TP73: variants seen among roughly 807,000 people sequenced by gnomAD.
TP73 encodes tumor protein p73, also known as p53-like transcription factor.
Under a neutral mutation model 62.5 loss-of-function variants are expected in TP73, and 25 were observed. The ratio of observed to expected loss-of-function variants is 0.40; its 90% CI spans 0.29 to 0.56. The LOEUF is 0.56. TP73 is among the 20% of genes least tolerant of loss of function. TP73 has a pLI of 0.46. For synonymous variants in TP73, 423 were observed against 377.5 expected (o/e 1.12, Z -1.40); for missense variants, 754 against 913.3 (o/e 0.83, Z 2.25).
intron 13 of TP73, 131 bp from the exon 14 acceptor site, chr1:3,732,616 C>T (rs1642218588): frequency 1.4e-5 from 11 of 795,878 alleles, no homozygotes; most frequent in Admixed American, 2.9e-5. Context: ...CCCCCTCCCC[C>T]GTCTCCTGCC....
At position 3,701,566 on chromosome 1, in the gene TP73, G is replaced by A. The variant is rs1317031187; in HGVS notation, c.187-5983G>A. Among the ~76,000 whole-genome samples the A allele has an allele frequency of 2.0e-5, 3 of 152,066 alleles. No homozygotes were observed. Among genetic ancestry groups the A allele is most frequent in the African/African-American group, 4.8e-5 (2 of 41,410 alleles). ...GTCACCCAGGCTGGAGTGCTGTGGC[G>A]TGATCTCAGCTCACTGCAACCTCTG... is the stretch of plus-strand genomic sequence containing the variant. On this transcript the variant is annotated intron_variant, in intron 3 of 13. Transcript: ENST00000378295. This position sits in a 1 kb window ranked among gnomAD's most constrained non-coding sequence, Gnocchi z 4.7.
At chr1:3,698,081 A>G (rs1340001183) in intron 3 of TP73, 1 of 985,538 alleles carries the variant, frequency 1.0e-6, no homozygotes, top group South Asian at 4.7e-5. Context: ...AGCCCTGCTA[A>G]GCATCTGTCA....
chr1:3,717,469 G>A (rs762230640), intron 4 of TP73, among the ~76,000 whole-genome samples: 43 of 152,378 alleles, frequency 2.8e-4, no homozygotes, highest in Admixed American at 4.6e-4. Context: ...GTCAACAGCC[G>A]AAGATAAATA....
In TP73 at chr1:3,733,113, C is replaced by T; in HGVS notation, c.*34C>T. On this transcript the variant is annotated 3_prime_UTR_variant, in exon 14 of 14. Coordinates refer to ENST00000378295, the MANE Select transcript of TP73 (RefSeq NM_005427.4). ...CCTGGCTGCAGCCTGCGCCACCGCC[C>T]AGAGACCCAAGCTGCCTCCCCTCTC... 6.7e-7 allele frequency: 1 copy of T among 1,500,450 alleles called. No homozygotes were observed. Among genetic ancestry groups the T allele is most frequent in the Non-Finnish European group, 8.9e-7 (1 of 1,124,846 alleles). The allele number at this position is 1,500,450 out of a possible 1,614,324, so 92.9% of individuals were successfully genotyped here.
At position 3,710,248 on chromosome 1, in the gene TP73, G is replaced by GCACC. The variant is rs538184091; in HGVS notation, c.429+2460_429+2463dup. On this transcript the variant is annotated intron_variant, in intron 4 of 13. Transcript: ENST00000378295. ...ACTGGGGAGGAAAATGCTGTCGCCTGCACCCAGGGCTCCTCCTCCGAAGCC... is the reference window on the plus strand; with the variant it reads ...ACTGGGGAGGAAAATGCTGTCGCCTGCACCCACCCAGGGCTCCTCCTCCGAAGCC... Among the ~76,000 whole-genome samples, 44 of 152,106 alleles carry GCACC rather than the reference G, an allele frequency of 2.9e-4. No individual in the cohort carries two copies. In the East Asian group the frequency reaches 8.2e-3, roughly 28 times the overall value.
intron 1 of TP73, among the ~76,000 whole-genome samples, chr1:3,654,320 G>C (rs551752409): frequency 5.8e-4 from 88 of 152,292 alleles, no homozygotes; most frequent in African/African-American, 1.6e-3. Flanking sequence ...AGAATGGCTC[G>C]GGATGTGAGC....
In TP73 at chr1:3,731,000, G is replaced by A; in HGVS notation, c.1419G>A (p.Gln473=). 1 of 1,612,500 alleles carries A rather than the reference G, an allele frequency of 6.2e-7. No individual in the cohort carries two copies. The highest frequency in any genetic ancestry group is 1.3e-5 in the African/African-American group (1 of 75,028). Residue 473 remains glutamine, a synonymous_variant, in exon 12 of 14, where the codon CAG becomes CAA. Transcript: ENST00000378295. ...NGEMSSSHSA[Q]SMVSGSHCTP... is the part of the protein sequence containing the mutation. ...AGATGAGCAGCAGCCACAGCGCCCA[G>A]TCCATGGTCTCGGGGTCCCACTGCA...
At chr1:3,706,734 G>A (rs1023015966) in intron 3 of TP73, among the ~76,000 whole-genome samples, 1 of 152,108 alleles carries the variant, frequency 6.6e-6, no homozygotes, top group African/African-American at 2.4e-5. Flanking sequence ...TCCTGGCAGA[G>A]GCTGATCCAT....
At chr1:3,713,166 G>C (rs946192139) in intron 4 of TP73, among the ~76,000 whole-genome samples, 2 of 152,252 alleles carry the variant, frequency 1.3e-5, no homozygotes, top group African/African-American at 4.8e-5. Flanking sequence ...TGGGGGTGGA[G>C]AGCTGTCCCT....
At position 3,688,274 on chromosome 1, in the gene TP73, C is replaced by T. The variant is rs180805244; in HGVS notation, c.186+5094C>T. On this transcript the variant is annotated intron_variant, in intron 3 of 13. Transcript: ENST00000378295. ...CTGCACAGAAGTGAACCCCACCCAGCACCCAGGTCTCAGAGCCTTGCAGCT... is the reference window on the plus strand; with the variant it reads ...CTGCACAGAAGTGAACCCCACCCAGTACCCAGGTCTCAGAGCCTTGCAGCT... Among the ~76,000 whole-genome samples the T allele has an allele frequency of 9.8e-4, 149 of 152,352 alleles. 1 individual carries two copies. The highest frequency in any genetic ancestry group is 3.3e-3 in the African/African-American group (138 of 41,596).
rs115529921 is a variant in TP73, at chr1:3,679,987, C to T, written c.-33-2346C>T. 9.1e-3 allele frequency among the ~76,000 whole-genome samples: 1,389 copies of T among 152,034 alleles called. 6 individuals are homozygous for T. Among genetic ancestry groups the T allele is most frequent in the Non-Finnish European group, 0.016 (1,057 of 67,952 alleles). On this transcript the variant is annotated intron_variant, in intron 1 of 13. Coordinates refer to ENST00000378295, the MANE Select transcript of TP73 (RefSeq NM_005427.4). ...TCTTTGTCCCTGTCTCTCTGTCTCTCTTCCTGTCTTTCTCTTTCTTTGTCC... is the reference window on the plus strand; with the variant it reads ...TCTTTGTCCCTGTCTCTCTGTCTCTTTTCCTGTCTTTCTCTTTCTTTGTCC...
chr1:3,726,844 G>C (rs1160613229), intron 6 of TP73, among the ~76,000 whole-genome samples: 1 of 146,170 alleles, frequency 6.8e-6, no homozygotes, highest in Non-Finnish European at 1.5e-5. Context: ...TGGGTGGGTG[G>C]ATGGATGGGG....
At chr1:3,678,639 A>T (rs533448370) in intron 1 of TP73, among the ~76,000 whole-genome samples, 3 of 151,756 alleles carry the variant, frequency 2.0e-5, no homozygotes, top group Admixed American at 1.3e-4. Context: ...CTAATGAGGA[A>T]CCCGATTCCC....
chr1:3,691,205 A>T (rs1347380614), intron 3 of TP73, among the ~76,000 whole-genome samples: 2 of 152,092 alleles, frequency 1.3e-5, no homozygotes, highest in Admixed American at 6.5e-5. Context: ...GGCCGGGTCC[A>T]TGCCGATGGG....
In TP73 at chr1:3,662,066, A is replaced by G. The variant is rs905437067; in HGVS notation, c.-34+9425A>G. Reference sequence around the variant, plus strand: ...AGAGTGAGACCCTGTCTCAAAAAAAAAAAGAACTAGTTCACACCCATGTTT... The same window carrying G: ...AGAGTGAGACCCTGTCTCAAAAAAAGAAAGAACTAGTTCACACCCATGTTT... On this transcript the variant is annotated intron_variant, in intron 1 of 13. Transcript: ENST00000378295. The surrounding 1 kb of genome is among the most constrained non-coding windows in gnomAD (Gnocchi z 4.4). 4.0e-5 allele frequency: 6 copies of G among 151,366 alleles called. No homozygotes were observed. Among genetic ancestry groups the G allele is most frequent in the African/African-American group, 1.5e-4 (6 of 41,214 alleles). 9.4% of individuals were successfully genotyped at this position (151,366 alleles called of 1,614,324 possible). A position where few individuals can be genotyped will look rare whatever the true frequency, so the allele number is the denominator to read the frequency against.
In TP73 at chr1:3,726,991, T is replaced by G. The variant is rs1007025309; in HGVS notation, c.733-124T>G. On this transcript the variant is annotated intron_variant, in intron 6 of 13. Transcript: ENST00000378295. ...GGACAGATATACAAATGGCAACAACTATAGAGCAGGGCATCCCCCTGCCTA... is the reference window on the plus strand; with the variant it reads ...GGACAGATATACAAATGGCAACAACGATAGAGCAGGGCATCCCCCTGCCTA... The G allele has an allele frequency of 4.2e-6, 3 of 712,324 alleles. No individual in the cohort carries two copies. In the African/African-American group the frequency reaches 5.4e-5, roughly 13 times the overall value. The allele number at this position is 712,324 out of a possible 1,614,324, so 44.1% of individuals were successfully genotyped here.
intron 4 of TP73, among the ~76,000 whole-genome samples, chr1:3,716,299 CTT>C (rs556360001): frequency 6.6e-6 from 1 of 152,232 alleles, no homozygotes; most frequent in Non-Finnish European, 1.5e-5. Context: ...GCCAGGAGCT[CTT>C]TCACAGCAGC....
rs1414851757 is a variant in TP73 at position 3,732,881 on chromosome 1, C to A, written c.1713C>A (p.Ile571=). The change falls in exon 14 of 14, where the codon ATC becomes ATA. Residue 571 remains isoleucine (I), a synonymous_variant. Transcript: ENST00000378295. ...CTAGCAACGCGGCCACCATCTCCAT[C>A]GGCGGCTCAGGGGAACTGCAGCGCC... ...LRSSNAATIS[I]GGSGELQRQR... is the part of the protein sequence containing the mutation. The A allele has an allele frequency of 1.2e-6, 2 of 1,611,664 alleles. No individual in the cohort carries two copies. Among genetic ancestry groups the A allele is most frequent in the Non-Finnish European group, 1.7e-6 (2 of 1,179,664 alleles).
intron 6 of TP73, among the ~76,000 whole-genome samples, chr1:3,724,971 A>G (rs1641381420): frequency 1.3e-5 from 2 of 151,950 alleles, no homozygotes; most frequent in African/African-American, 2.4e-5. Context: ...GTGAGCCAAG[A>G]TCGCGCCATT....
Sources: allele counts gnomAD v4.1 joint callset (sites outside exome capture counted in the v4.1 genomes callset), GRCh38; gene constraint gnomAD v4.1.1; non-coding constraint Gnocchi (gnomAD v3.1); transcripts MANE v1.5; gene names NCBI Gene and HGNC (gene_info 2026-07-23, HGNC 2026-07-21).